ARID1B: variants seen among roughly 807,000 people sequenced by gnomAD.
ARID1B encodes AT-rich interactive domain-containing protein 1B.
A neutral mutation model predicts 212.3 loss-of-function variants in ARID1B; 30 were observed. The observed-to-expected ratio is 0.14, with a 90% CI of 0.11 to 0.19. ARID1B has a LOEUF of 0.19. Ranked by LOEUF, ARID1B falls within the 10% of genes least tolerant of loss-of-function variation. ARID1B has a pLI of 1.00. For synonymous variants in ARID1B, 1,402 were observed against 1,301.7 expected, an observed-to-expected ratio of 1.08 and a Z score of -1.66; for missense variants, 2,891 against 3,204.0, an observed-to-expected ratio of 0.90 and a Z score of 2.36.
intron 4 of ARID1B, among the ~76,000 whole-genome samples, chr6:157,080,583 G>T (rs1247441956): frequency 6.6e-6 from 1 of 152,178 alleles, no homozygotes; most frequent in Non-Finnish European, 1.5e-5. Flanking sequence ...TTCTGACGCT[G>T]CCCTCCCTGA....
At chr6:156,915,567 C>CA (rs1294072015) in intron 3 of ARID1B, among the ~76,000 whole-genome samples, 28 of 142,578 alleles carry the variant, frequency 2.0e-4, no homozygotes, top group Admixed American at 7.7e-4. Flanking sequence ...GACTCTGTCT[C>CA]AAAAAAAATT....
At chr6:156,836,064 G>T (rs1783488198) in intron 2 of ARID1B, among the ~76,000 whole-genome samples, 1 of 152,152 alleles carries the variant, frequency 6.6e-6, no homozygotes, top group Non-Finnish European at 1.5e-5. Context: ...ATGTTAAAAC[G>T]TTAATAATTC....
intron 4 of ARID1B, among the ~76,000 whole-genome samples, chr6:157,014,358 A>G (rs750504785): frequency 2.0e-5 from 3 of 152,174 alleles, no homozygotes; most frequent in African/African-American, 7.2e-5. Flanking sequence ...AACTAATCCA[A>G]TATTTTTAAT....
chr6:156,937,005 T>A (rs1792290404), intron 4 of ARID1B: 1 of 152,170 alleles, frequency 6.6e-6, no homozygotes, highest in Non-Finnish European at 1.5e-5. Flanking sequence ...AAACTCTAAT[T>A]TTTATACCTT....
intron 3 of ARID1B, among the ~76,000 whole-genome samples, chr6:156,908,908 T>C (rs1789628256): frequency 6.6e-6 from 1 of 152,092 alleles, no homozygotes; most frequent in South Asian, 2.1e-4. Context: ...AAGAAGAATA[T>C]ACAGATACAC....
intron 10 of ARID1B, 59 bp from the exon 11 acceptor site, chr6:157,174,788 T>C (rs1433142380): frequency 7.4e-6 from 10 of 1,357,774 alleles, no homozygotes; most frequent in Non-Finnish European, 9.7e-6. Context: ...CTTTTTGTTA[T>C]TTTAAATAAA....
At chr6:157,117,935 G>A (rs1459870018) in intron 6 of ARID1B, among the ~76,000 whole-genome samples, 1 of 152,168 alleles carries the variant, frequency 6.6e-6, no homozygotes, top group African/African-American at 2.4e-5. Flanking sequence ...ATGAGCCATA[G>A]CCCTTGCACC....
At chr6:156,871,643 A>AT in intron 2 of ARID1B, 1 of 1,612,706 alleles carries the variant, frequency 6.2e-7, no homozygotes, top group Non-Finnish European at 8.5e-7. Context: ...GGAAAGAAAC[A>AT]TTCTGGTTGG....
intron 1 of ARID1B, among the ~76,000 whole-genome samples, chr6:156,791,333 A>G (rs1298999387): frequency 3.3e-5 from 5 of 152,244 alleles, no homozygotes; most frequent in Admixed American, 6.5e-5. Flanking sequence ...ACTTTCACAC[A>G]TGAAATAAAC....
intron 4 of ARID1B, among the ~76,000 whole-genome samples, chr6:157,045,832 A>C (rs1782200487): frequency 6.6e-6 from 1 of 152,294 alleles, no homozygotes; most frequent in South Asian, 2.1e-4. Context: ...ATATTGACTC[A>C]AACTTAAAAT....
intron 9 of ARID1B, chr6:157,168,593 C>T (rs1327584988): frequency 6.6e-6 from 1 of 152,214 alleles, no homozygotes; most frequent in East Asian, 1.9e-4. Flanking sequence ...ATCAGCAGCG[C>T]TCATTTTCCC....
chr6:157,011,969 G>A (rs1222226028), intron 4 of ARID1B, among the ~76,000 whole-genome samples: 1 of 152,222 alleles, frequency 6.6e-6, no homozygotes, highest in African/African-American at 2.4e-5. Context: ...AAAAAGCGCA[G>A]CTCATCTATA....
chr6:156,797,578 C>G (rs1486450933), intron 1 of ARID1B, among the ~76,000 whole-genome samples: 1 of 152,168 alleles, frequency 6.6e-6, no homozygotes, highest in Non-Finnish European at 1.5e-5. Flanking sequence ...GGTTCTTGAC[C>G]TGACTCTATG....
At chr6:157,106,271 G>A (rs1363865653) in intron 5 of ARID1B, among the ~76,000 whole-genome samples, 1 of 152,142 alleles carries the variant, frequency 6.6e-6, no homozygotes, top group East Asian at 1.9e-4. Context: ...TTAAAACAAG[G>A]CACATTCATT....
In ARID1B at chr6:157,084,844, T is replaced by A. The variant is rs766684321; in HGVS notation, c.2430T>A (p.Val810=). The change falls in exon 5 of 20, where the codon GTT becomes GTA. Residue 810 remains valine, a synonymous_variant. Transcript: ENST00000636930. ...SIPGGPSPSP[V]GSPVGSNQSR... ...CGGGGGGCCCATCTCCCTCTCCTGT[T>A]GGCTCTCCTGTAGGAAGCAACCAGT... 2.3e-5 allele frequency: 37 copies of A among 1,614,072 alleles called. No individual in the cohort carries two copies. Among genetic ancestry groups the A allele is most frequent in the Non-Finnish European group, 2.9e-5 (34 of 1,180,022 alleles).
intron 9 of ARID1B, among the ~76,000 whole-genome samples, chr6:157,170,864 A>G (rs763206944): frequency 7.9e-5 from 12 of 152,250 alleles, no homozygotes; most frequent in Non-Finnish European, 1.3e-4. Flanking sequence ...TTACCTTCAC[A>G]GTGGACTTTC....
intron 1 of ARID1B, among the ~76,000 whole-genome samples, chr6:156,817,122 C>A (rs964125733): frequency 9.9e-5 from 15 of 150,826 alleles, no homozygotes; most frequent in African/African-American, 3.2e-4. Context: ...TGGTGCCTTA[C>A]ACCTGTAATT....
chr6:157,072,293 T>C (rs978566078), intron 4 of ARID1B: 1 of 152,108 alleles, frequency 6.6e-6, no homozygotes, highest in Non-Finnish European at 1.5e-5. Flanking sequence ...TTTATTTCCT[T>C]TACAAAAAAA....
chr6:156,804,309 C>T (rs1240508041), intron 1 of ARID1B, among the ~76,000 whole-genome samples: 1 of 149,750 alleles, frequency 6.7e-6, no homozygotes, highest in African/African-American at 2.5e-5. Flanking sequence ...GCACACCAGC[C>T]TGGGTGACAG....
Sources: allele counts gnomAD v4.1 joint callset (sites outside exome capture counted in the v4.1 genomes callset), GRCh38; gene constraint gnomAD v4.1.1; transcripts MANE v1.5; gene names NCBI Gene and HGNC (gene_info 2026-07-23, HGNC 2026-07-21).